CT47B1: variants seen among roughly 807,000 people sequenced by gnomAD.
CT47B1 encodes the protein cancer/testis CT47 family, member 13.
Under a neutral mutation model 12.8 loss-of-function variants are expected in CT47B1, and 24 were observed. That is an observed-to-expected ratio of 1.87 (90% CI 1.36 to 2.63). The LOEUF (loss-of-function observed/expected upper bound fraction) is 2.63. CT47B1 is among the 30% of genes most tolerant of loss of function. CT47B1 has a pLI of 0.00. For missense variants in CT47B1, 523 were observed against 271.3 expected (o/e 1.93, Z -6.52); for synonymous variants, 228 against 133.3 (o/e 1.71, Z -4.89).
Position 120,874,920 on chromosome X carries a change from A to C in CT47B1, c.751T>G (p.Ser251Ala), listed in dbSNP as rs904720617. ...CCCTCGGGGGCCACGGCCTCCTCTG[A>C]GGTCGGTTCCTCTGCGGCCGGTTCC... Reference protein sequence around the residue: ...TEEPAAEEPTSEEAVAPEEVT... With the variant: ...TEEPAAEEPTAEEAVAPEEVT... Residue 251 changes from serine to alanine, a missense_variant, in exon 1 of 3, where the codon TCA becomes GCA. Transcript: ENST00000371311. 12 of 1,208,149 alleles carry C rather than the reference A, an allele frequency of 9.9e-6. No individual in the cohort carries two copies. The highest frequency in any genetic ancestry group is 1.7e-5 in the African/African-American group (1 of 57,199).
Position 120,875,542 on chromosome X carries a change from G to A in CT47B1, c.129C>T (p.Ser43=), listed in dbSNP as rs769024077. The A allele has an allele frequency of 3.7e-5, 44 of 1,192,702 alleles. No homozygotes were observed. In the African/African-American group the frequency reaches 4.6e-4, roughly 13 times the overall value. The change falls in exon 1 of 3, where the codon AGC becomes AGT. Residue 43 remains serine, a synonymous_variant. Coordinates refer to ENST00000371311, the MANE Select transcript of CT47B1 (RefSeq NM_001145718.3). ...QEGGDSGPDS[S]DMVPAAEVVG... ...CCACCTCGGCCGCAGGCACCATGTC[G>A]CTGCTGTCGGGGCCGGAGTCGCCGC...
In CT47B1 at chrX:120,874,907, A is replaced by T; in HGVS notation, c.764T>A (p.Val255Glu). 8.3e-7 allele frequency: 1 copy of T among 1,209,269 alleles called. No homozygotes were observed. The highest frequency in any genetic ancestry group is 1.1e-6 in the Non-Finnish European group (1 of 894,615). Residue 255 changes from valine to glutamate, a missense_variant, in exon 1 of 3, where the codon GTG (valine) becomes GAG (glutamate). Val to Glu is a moderately radical substitution (Grantham distance 121, BLOSUM62 -2). Transcript: ENST00000371311. Reference protein sequence around the residue: ...AAEEPTSEEAVAPEEVTKSQP... With the variant: ...AAEEPTSEEAEAPEEVTKSQP... ...GCTAGCCCCCTTACCCTCGGGGGCC[A>T]CGGCCTCCTCTGAGGTCGGTTCCTC...
At position 120,875,335 on chromosome X, in the gene CT47B1, G is replaced by C. The variant is rs753933537; in HGVS notation, c.336C>G (p.Thr112=). ...CAATGCCCGCCGCCGGGTACCGACG[G>C]GTGGCCACCGCCAAGTCGAAGTTGG... is the stretch of plus-strand genomic sequence containing the variant. ...EAANFDLAVA[T]RRYPAAGIGF... The change falls in exon 1 of 3, where the codon ACC becomes ACG. Residue 112 remains threonine, a synonymous_variant. Transcript: ENST00000371311. 2 of 1,210,848 alleles carry C rather than the reference G, an allele frequency of 1.7e-6. No individual in the cohort carries two copies. Among genetic ancestry groups the C allele is most frequent in the South Asian group, 1.8e-5 (1 of 56,950 alleles).
rs776806847 is a variant in CT47B1 at position 120,873,894 on chromosome X, G to A, written c.*2C>T. ...ATTTTCTTGGCTTCACCTCTGCTGC[G>A]TCTAGGTCCCTTTGGAGTTCTTCAC... On this transcript the variant is annotated 3_prime_UTR_variant, in exon 2 of 3. Coordinates refer to ENST00000371311, the MANE Select transcript of CT47B1 (RefSeq NM_001145718.3). 51 of 1,150,258 alleles carry A rather than the reference G, an allele frequency of 4.4e-5. 1 individual carries two copies. Among genetic ancestry groups the A allele is most frequent in the East Asian group, 6.2e-5 (2 of 32,360 alleles). 94.8% of individuals were successfully genotyped at this position (1,150,258 alleles called of 1,213,427 possible).
At chrX:120,874,873 G>T in intron 1 of CT47B1, 23 bp downstream of exon 1, 3 of 1,205,613 alleles carry the variant, frequency 2.5e-6, no homozygotes, top group Non-Finnish European at 2.2e-6. Flanking sequence ...CCGCTTCCCC[G>T]CTGCTGCCGC....
chrX:120,873,806 G>A, intron 2 of CT47B1, 59 bp downstream of exon 2: 1 of 854,362 alleles, frequency 1.2e-6, no homozygotes, highest in South Asian at 2.4e-5. Context: ...CAATAAAACT[G>A]TCTGCAACAG....
chrX:120,875,488 G>A lies in CT47B1; in HGVS notation c.183C>T (p.Leu61=). The A allele has an allele frequency of 3.3e-6, 4 of 1,201,874 alleles. No homozygotes were observed. Among genetic ancestry groups the A allele is most frequent in the South Asian group, 1.8e-5 (1 of 56,767 alleles). The change falls in exon 1 of 3, where the codon CTC becomes CTT. Residue 61 remains leucine, a synonymous_variant. Transcript: ENST00000371311. ...CCGCCTGCTCACCCTCCTCCTCCCC[G>A]AGGCCTTCCACGGGCCCTGCGACTC... ...VVGVAGPVEG[L]GEEEGEQAAG...
Position 120,874,939 on chromosome X carries a change from C to T in CT47B1, c.732G>A (p.Pro244=), listed in dbSNP as rs762204267. The change falls in exon 1 of 3, where the codon CCG becomes CCA. Residue 244 remains proline (P), a synonymous_variant. Transcript: ENST00000371311. ...EKLTEEATEE[P]AAEEPTSEEA... is the part of the protein sequence containing the mutation. The stretch of plus-strand genomic sequence containing the variant: ...CCTCTGAGGTCGGTTCCTCTGCGGC[C>T]GGTTCCTCTGTGGCCTCCTCTGTGA... 40 of 1,208,455 alleles carry T rather than the reference C, an allele frequency of 3.3e-5. No individual in the cohort carries two copies. The highest frequency in any genetic ancestry group is 2.6e-4 in the Middle Eastern group (1 of 3,806).
rs759319462 is a variant in CT47B1, at chrX:120,875,318, G to C, written c.353C>G (p.Ala118Gly). 71 of 1,209,615 alleles carry C rather than the reference G, an allele frequency of 5.9e-5. No homozygotes were observed. Among genetic ancestry groups the C allele is most frequent in the Non-Finnish European group, 7.7e-5 (69 of 894,418 alleles). Residue 118 changes from alanine (A) to glycine (G), a missense_variant, in exon 1 of 3, where the codon GCG becomes GGG. Physicochemically the swap from Ala to Gly is moderately conservative, Grantham distance 60. Transcript: ENST00000371311. The part of the protein sequence containing the change: ...LAVATRRYPA[A>G]GIGFVFLYLV... ...GTACAGGAACACGAAGCCAATGCCC[G>C]CCGCCGGGTACCGACGGGTGGCCAC...
intron 1 of CT47B1, 82 bp downstream of exon 1, chrX:120,874,814 G>A (rs1923874522): frequency 8.6e-7 from 1 of 1,158,280 alleles, no homozygotes; most frequent in Non-Finnish European, 1.1e-6. Flanking sequence ...CGCTTCACCA[G>A]CTGTGCCCGC....
Position 120,875,492 on chromosome X carries a change from C to A in CT47B1, c.179G>T (p.Gly60Val), listed in dbSNP as rs781486099. The A allele has an allele frequency of 5.8e-6, 7 of 1,199,522 alleles. No homozygotes were observed. Among genetic ancestry groups the A allele is most frequent in the Admixed American group, 2.2e-5 (1 of 45,711 alleles). Reference sequence around the variant, plus strand: ...CTGCTCACCCTCCTCCTCCCCGAGGCCTTCCACGGGCCCTGCGACTCCGAC... The same window carrying A: ...CTGCTCACCCTCCTCCTCCCCGAGGACTTCCACGGGCCCTGCGACTCCGAC... ...EVVGVAGPVEGLGEEEGEQAA... is the reference protein window; with the variant it reads ...EVVGVAGPVEVLGEEEGEQAA... The change falls in exon 1 of 3, where the codon GGC becomes GTC. Residue 60 changes from glycine to valine, a missense_variant. Coordinates refer to ENST00000371311, the MANE Select transcript of CT47B1 (RefSeq NM_001145718.3).
Position 120,875,759 on chromosome X carries a change from G to C in CT47B1, c.-89C>G, listed in dbSNP as rs1305897281. The C allele has an allele frequency of 1.1e-5, 6 of 541,842 alleles. No homozygotes were observed. Among genetic ancestry groups the C allele is most frequent in the Non-Finnish European group, 1.3e-5 (5 of 371,348 alleles). The allele number at this position is 541,842 out of a possible 1,213,427, so 44.7% of individuals were successfully genotyped here. On this transcript the variant is annotated 5_prime_UTR_variant, in exon 1 of 3. Transcript: ENST00000371311. ...CCACTGAGGTGGCTACGGCCGAGGG[G>C]AGGCGAGGAGCTGGCCGCTGAGGGA...
rs1262207496 is a variant in CT47B1 at position 120,875,410 on chromosome X, G to C, written c.261C>G (p.Ile87Met). 8.3e-7 allele frequency: 1 copy of C among 1,207,292 alleles called. No individual in the cohort carries two copies. The highest frequency in any genetic ancestry group is 1.1e-6 in the Non-Finnish European group (1 of 893,855). The change falls in exon 1 of 3, where the codon ATC becomes ATG. Residue 87 changes from isoleucine (I) to methionine (M), a missense_variant. By Grantham distance (10) the Ile-to-Met change is conservative. Transcript: ENST00000371311. ...CCTCCTCTTCCTCCGTCGCGGGCCC[G>C]ATATCTGAGTCCTCCTCGGCGCTCC... is the stretch of plus-strand genomic sequence containing the variant. ...QGGSAEEDSDIGPATEEEEEE... is the reference protein window; with the variant it reads ...QGGSAEEDSDMGPATEEEEEE...
chrX:120,875,309 C>T lies in CT47B1; in HGVS notation c.362G>A (p.Gly121Asp), dbSNP rs780177573. Residue 121 changes from glycine (G) to aspartate (D), a missense_variant, in exon 1 of 3, where the codon GGC (glycine) becomes GAC (aspartate). By Grantham distance (94) the Gly-to-Asp change is moderately conservative. Transcript: ENST00000371311. ...GTGGACCAGGTACAGGAACACGAAG[C>T]CAATGCCCGCCGCCGGGTACCGACG... ...ATRRYPAAGI[G>D]FVFLYLVHSL... is the part of the protein sequence containing the mutation. 4.1e-5 allele frequency: 50 copies of T among 1,209,904 alleles called. No individual in the cohort carries two copies. The highest frequency in any genetic ancestry group is 4.9e-5 in the Non-Finnish European group (44 of 894,561).
In CT47B1 at chrX:120,873,936, T is replaced by G. The variant is rs1233131441; in HGVS notation, c.860A>C (p.Lys287Thr). ...GTTCTTCACCTTGTTTTCCACATCCTTCTCTTTTTCTTGTTCTTTCTCTTC... is the reference window on the plus strand; with the variant it reads ...GTTCTTCACCTTGTTTTCCACATCCGTCTCTTTTTCTTGTTCTTTCTCTTC... ...GEEEKEQEKEKDVENKVKNSK... is the reference protein window; with the variant it reads ...GEEEKEQEKETDVENKVKNSK... Residue 287 changes from lysine (K) to threonine (T), a missense_variant, in exon 2 of 3, where the codon AAG becomes ACG. Coordinates refer to ENST00000371311, the MANE Select transcript of CT47B1 (RefSeq NM_001145718.3). 2 of 1,168,321 alleles carry G rather than the reference T, an allele frequency of 1.7e-6. No individual in the cohort carries two copies.
Position 120,875,403 on chromosome X carries a change from C to T in CT47B1, c.268G>A (p.Ala90Thr), listed in dbSNP as rs773524030. 6 of 1,207,203 alleles carry T rather than the reference C, an allele frequency of 5.0e-6. No individual in the cohort carries two copies. The highest frequency in any genetic ancestry group is 3.5e-5 in the South Asian group (2 of 56,585). The change falls in exon 1 of 3, where the codon GCG becomes ACG. Residue 90 changes from alanine to threonine, a missense_variant. By Grantham distance (58) the Ala-to-Thr change is moderately conservative (BLOSUM62 0). Transcript: ENST00000371311. ...SAEEDSDIGP[A>T]TEEEEEEEEG... ...TCCTCCTCCTCCTCTTCCTCCGTCG[C>T]GGGCCCGATATCTGAGTCCTCCTCG...
chrX:120,874,576 C>T (rs755062055), intron 1 of CT47B1, among the ~76,000 whole-genome samples: 2 of 111,308 alleles, frequency 1.8e-5, no homozygotes, highest in Middle Eastern at 4.7e-3. Context: ...GCGGAGCTCC[C>T]TCCTGAACCC....
intron 1 of CT47B1, 91 bp from the exon 2 acceptor site, chrX:120,874,111 C>G: frequency 1.0e-6 from 1 of 993,229 alleles, no homozygotes; most frequent in Non-Finnish European, 1.3e-6. Context: ...AGTTACTCCA[C>G]CCTCAGGAGA....
In CT47B1 at chrX:120,875,057, G is replaced by T. The variant is rs767995833; in HGVS notation, c.614C>A (p.Pro205His). ...SVQEAASVPE[P>H]AVPADLAEMA... Reference sequence around the variant, plus strand: ...CTCGGCCAGGTCAGCTGGCACTGCAGGCTCTGGGACCGACGCGGCCTCCTG... The same window carrying T: ...CTCGGCCAGGTCAGCTGGCACTGCATGCTCTGGGACCGACGCGGCCTCCTG... The change falls in exon 1 of 3, where the codon CCT becomes CAT. Residue 205 changes from proline (P) to histidine (H), a missense_variant. Transcript: ENST00000371311. The T allele has an allele frequency of 7.4e-6, 9 of 1,208,592 alleles. No individual in the cohort carries two copies. The African/African-American group carries it at 1.4e-4, about 19-fold the overall frequency.
Sources: allele counts gnomAD v4.1 joint callset (sites outside exome capture counted in the v4.1 genomes callset), GRCh38; gene constraint gnomAD v4.1.1; transcripts MANE v1.5; gene names NCBI Gene and HGNC (gene_info 2026-07-23, HGNC 2026-07-21).